The following NGEF variants were observed in gnomAD, a reference collection of about 807,000 sequenced individuals.
NGEF encodes neuronal guanine nucleotide exchange factor.
NGEF carries 31 observed loss-of-function variants against 80.9 expected under a neutral mutation model. That is an observed-to-expected ratio of 0.38 (90% CI 0.29 to 0.52). NGEF has a LOEUF of 0.52. Among genes scored for constraint, NGEF ranks in the 20% least tolerant of loss-of-function variants. NGEF has a pLI of 0.84. For missense variants in NGEF, 709 were observed against 926.2 expected (o/e 0.77, Z 3.04); for synonymous variants, 371 against 370.2 (o/e 1.00, Z -0.03).
At chr2:232,884,733 G>T (rs182416299) in intron 10 of NGEF, among the ~76,000 whole-genome samples, 1 of 152,164 alleles carries the variant, frequency 6.6e-6, no homozygotes, top group Admixed American at 6.5e-5. Flanking sequence ...TACATGGGAC[G>T]CCCAGAAGAC....
chr2:232,897,432 G>A (rs949153370), intron 5 of NGEF, among the ~76,000 whole-genome samples: 2 of 152,096 alleles, frequency 1.3e-5, no homozygotes, highest in African/African-American at 2.4e-5. Flanking sequence ...CATCCAGAAA[G>A]TCACATGGCT....
At chr2:232,895,661 G>C (rs1028620985) in intron 5 of NGEF, among the ~76,000 whole-genome samples, 1 of 152,146 alleles carries the variant, frequency 6.6e-6, no homozygotes, top group Non-Finnish European at 1.5e-5. Flanking sequence ...ACGCCCAGCA[G>C]AAAAGCGTCA....
chr2:232,955,496 T>C (rs751666922), intron 3 of NGEF, among the ~76,000 whole-genome samples: 15 of 152,180 alleles, frequency 9.9e-5, no homozygotes, highest in Middle Eastern at 3.2e-3. Flanking sequence ...GGAGCAGTTC[T>C]TCAGTCTTTG....
chr2:232,993,002 T>C (rs1161043213), intron 1 of NGEF, among the ~76,000 whole-genome samples: 1 of 123,982 alleles, frequency 8.1e-6, no homozygotes, highest in African/African-American at 3.6e-5. Context: ...TATATATATA[T>C]ATACACACAC....
At chr2:232,909,493 G>T (rs945918901) in intron 5 of NGEF, among the ~76,000 whole-genome samples, 1 of 151,858 alleles carries the variant, frequency 6.6e-6, no homozygotes, top group African/African-American at 2.4e-5. Context: ...TTTTTGGAGG[G>T]GGTAACACTT....
At chr2:232,970,803 A>G (rs1337829700) in intron 2 of NGEF, among the ~76,000 whole-genome samples, 1 of 152,008 alleles carries the variant, frequency 6.6e-6, no homozygotes, top group East Asian at 1.9e-4. Context: ...TGAAAAAAAA[A>G]AAAGAAAATT....
chr2:232,906,888 C>T (rs917537459), intron 5 of NGEF, among the ~76,000 whole-genome samples: 3 of 151,474 alleles, frequency 2.0e-5, no homozygotes, highest in African/African-American at 7.3e-5. Flanking sequence ...TTACCCCCAA[C>T]CCAGTGCTCT....
intron 3 of NGEF, among the ~76,000 whole-genome samples, chr2:232,933,236 G>A (rs556755926): frequency 6.6e-6 from 1 of 152,086 alleles, no homozygotes; most frequent in African/African-American, 2.4e-5. Context: ...CTTTGTGATG[G>A]AATTTTGCAG....
At chr2:232,987,963 G>T (rs1208889961) in intron 1 of NGEF, among the ~76,000 whole-genome samples, 2 of 152,048 alleles carry the variant, frequency 1.3e-5, no homozygotes, top group Non-Finnish European at 2.9e-5. Context: ...CCAAGCTGGA[G>T]AAGGGATTGC....
intron 3 of NGEF, among the ~76,000 whole-genome samples, chr2:232,968,181 C>A (rs112927373): frequency 3.2e-3 from 475 of 149,956 alleles, no homozygotes; most frequent in African/African-American, 0.011. Flanking sequence ...CTCTGCCTTC[C>A]GGGTTCAAGT....
intron 1 of NGEF, among the ~76,000 whole-genome samples, chr2:232,980,118 A>G (rs1212613789): frequency 6.6e-6 from 1 of 152,074 alleles, no homozygotes; most frequent in Non-Finnish European, 1.5e-5. Context: ...TCAGGCCTGG[A>G]AGGATCAGAG....
intron 1 of NGEF, among the ~76,000 whole-genome samples, chr2:232,992,650 G>A (rs1202007028): frequency 1.3e-5 from 2 of 151,990 alleles, no homozygotes; most frequent in Non-Finnish European, 2.9e-5. Flanking sequence ...TGTACCTAGA[G>A]TATATAAAGA....
chr2:232,980,952 T>A (rs1171481810), intron 1 of NGEF, among the ~76,000 whole-genome samples: 1 of 151,914 alleles, frequency 6.6e-6, no homozygotes, highest in Non-Finnish European at 1.5e-5. Context: ...ATGGAGTGCC[T>A]GCGCAGGTCA....
At chr2:232,900,528 GCT>G (rs1482115633) in intron 5 of NGEF, among the ~76,000 whole-genome samples, 1 of 103,220 alleles carries the variant, frequency 9.7e-6, no homozygotes, top group Non-Finnish European at 1.9e-5. Context: ...TTAGACACAT[GCT>G]CTCACAGTCA....
At chr2:232,949,888 C>T (rs1693644533) in intron 3 of NGEF, among the ~76,000 whole-genome samples, 1 of 151,050 alleles carries the variant, frequency 6.6e-6, no homozygotes. Context: ...CTCGGCTCAC[C>T]ACAACCTCCA....
intron 3 of NGEF, among the ~76,000 whole-genome samples, chr2:232,948,527 G>C (rs1164092515): frequency 6.6e-6 from 1 of 152,178 alleles, no homozygotes; most frequent in Non-Finnish European, 1.5e-5. Flanking sequence ...ATAAAGGAGG[G>C]AGAAAGAGAA....
chr2:232,994,889 T>C lies in NGEF; in HGVS notation c.-75+18179A>G, dbSNP rs966352718. ...ACATATACATATATGGATATATACA[T>C]GCATATAATACATACATACACATGT... On this transcript the variant is annotated intron_variant, in intron 1 of 14. Transcript: ENST00000264051. Among the ~76,000 whole-genome samples the C allele has an allele frequency of 8.2e-4, 124 of 151,258 alleles. 1 individual carries two copies. The highest frequency in any genetic ancestry group is 7.7e-4 in the Non-Finnish European group (52 of 67,836).
chr2:232,887,322 C>T (rs1363733974), intron 9 of NGEF, among the ~76,000 whole-genome samples: 2 of 152,132 alleles, frequency 1.3e-5, no homozygotes, highest in East Asian at 3.9e-4. Context: ...GCTGGCCCTT[C>T]CCGCAAAACC....
Position 232,974,761 on chromosome 2 carries a change from C to G in NGEF, c.130G>C (p.Ala44Pro). The stretch of plus-strand genomic sequence containing the variant: ...TCTTTGTCTTGGATATCCTGGTCAG[C>G]TTGAGAAGTCTCCTCTTTTTCTGGG... ...LLPEKEETSQ[A>P]DQDIQDKEPH... The change falls in exon 2 of 15, where the codon GCT (alanine) becomes CCT (proline). Residue 44 changes from alanine (A) to proline (P), a missense_variant. Physicochemically the swap from Ala to Pro is conservative, Grantham distance 27. This residue lies in a region of NGEF where 283 missense variants were observed against 303.4 expected (regional missense o/e 0.93). Transcript: ENST00000264051. The G allele has an allele frequency of 6.2e-7, 1 of 1,614,246 alleles. No individual in the cohort carries two copies. The highest frequency in any genetic ancestry group is 8.5e-7 in the Non-Finnish European group (1 of 1,180,052).
Sources: gnomAD v4.1 joint callset for allele counts (sites outside exome capture counted in the v4.1 genomes callset) on GRCh38, gnomAD v4.1.1 for gene constraint, gnomAD v4.1.1 regional missense constraint, MANE v1.5 for transcripts, NCBI Gene and HGNC (gene_info 2026-07-23, HGNC 2026-07-21) for gene names.